SMURF1: variants seen among roughly 807,000 people sequenced by gnomAD.
SMURF1 encodes the protein E3 ubiquitin-protein ligase SMURF1.
In SMURF1, 44 loss-of-function variants were observed where a neutral mutation model predicts 98.0. That is an observed-to-expected ratio of 0.45 (90% CI 0.35 to 0.58). The LOEUF is 0.58. SMURF1 is among the 20% of genes least tolerant of loss of function. SMURF1 has a pLI of 0.00. For synonymous variants in SMURF1, 396 were observed against 374.9 expected (o/e 1.06, Z -0.65); for missense variants, 687 against 938.4 (o/e 0.73, Z 3.50).
At chr7:99,077,006 A>G (rs1297616924) in intron 1 of SMURF1, among the ~76,000 whole-genome samples, 3 of 149,498 alleles carry the variant, frequency 2.0e-5, no homozygotes, top group African/African-American at 7.7e-5. Flanking sequence ...AAAAAAAAAC[A>G]AAAAAGGTTA....
intron 1 of SMURF1, among the ~76,000 whole-genome samples, chr7:99,110,321 A>G (rs1399598242): frequency 6.6e-6 from 1 of 152,268 alleles, no homozygotes; most frequent in East Asian, 1.9e-4. Context: ...AAACATAACA[A>G]GTTCTTGGAT....
rs1797866848 is a variant in SMURF1 at position 99,131,272 on chromosome 7, A to ATCTGTCTTTT, written c.55+12453_55+12454insAAAAGACAGA. Among the ~76,000 whole-genome samples the ATCTGTCTTTT allele has an allele frequency of 4.1e-4, 62 of 152,354 alleles. 1 individual carries two copies. In the South Asian group the frequency reaches 9.3e-3, roughly 23 times the overall value. On this transcript the variant is annotated intron_variant, in intron 1 of 17. Transcript: ENST00000361368. ...GGAAGTGCGATATTGTACATAAAAGACAGAATTAAAAATGTGGAAATTAGC... is the reference window on the plus strand; with the variant it reads ...GGAAGTGCGATATTGTACATAAAAGATCTGTCTTTTCAGAATTAAAAATGTGGAAATTAGC...
At chr7:99,061,277 A>T (rs1796029277) in intron 2 of SMURF1, among the ~76,000 whole-genome samples, 1 of 152,228 alleles carries the variant, frequency 6.6e-6, no homozygotes, top group African/African-American at 2.4e-5. Flanking sequence ...ATGTCTTGTG[A>T]GGATCAGAAA....
At chr7:99,031,939 T>A (rs1794906578) in intron 17 of SMURF1, among the ~76,000 whole-genome samples, 1 of 152,230 alleles carries the variant, frequency 6.6e-6, no homozygotes. Flanking sequence ...TGATTGTATT[T>A]GTAAACCATA....
intron 1 of SMURF1, among the ~76,000 whole-genome samples, chr7:99,082,678 G>A (rs1388892353): frequency 6.6e-6 from 1 of 152,138 alleles, no homozygotes; most frequent in Non-Finnish European, 1.5e-5. Context: ...GTTTTTTCAG[G>A]ACTGTTTGAG....
chr7:99,048,249 TGTG>T (rs1795646073), intron 9 of SMURF1: 1 of 231,522 alleles, frequency 4.3e-6, no homozygotes, highest in Non-Finnish European at 8.7e-6. Flanking sequence ...ATTAGCCAGG[TGTG>T]GTGGTGGGCA....
intron 1 of SMURF1, among the ~76,000 whole-genome samples, chr7:99,127,017 T>C (rs576542749): frequency 1.3e-5 from 2 of 152,212 alleles, no homozygotes; most frequent in East Asian, 3.9e-4. Flanking sequence ...CACTCAGGGA[T>C]CTAGGCTGAT....
chr7:99,118,620 T>C (rs1797516469), intron 1 of SMURF1, among the ~76,000 whole-genome samples: 1 of 152,128 alleles, frequency 6.6e-6, no homozygotes, highest in East Asian at 1.9e-4. Flanking sequence ...AGATTAGTAG[T>C]TGTAAAGCCT....
intron 1 of SMURF1, among the ~76,000 whole-genome samples, chr7:99,142,459 G>A (rs1798146019): frequency 1.3e-5 from 2 of 151,704 alleles, no homozygotes; most frequent in Admixed American, 6.6e-5. Context: ...TGGACCAGGG[G>A]GAAGTGAAGA....
chr7:99,091,427 G>T (rs1796808075), intron 1 of SMURF1, among the ~76,000 whole-genome samples: 1 of 152,128 alleles, frequency 6.6e-6, no homozygotes, highest in Non-Finnish European at 1.5e-5. Flanking sequence ...GTAGAAAAAT[G>T]ATAGGAAACT....
intron 14 of SMURF1, 107 bp from the exon 15 acceptor site, chr7:99,037,294 A>G (rs764273679): frequency 3.3e-5 from 47 of 1,421,148 alleles, no homozygotes; most frequent in Non-Finnish European, 4.2e-5. Flanking sequence ...CTGGAGTGCA[A>G]TGGCTCAATC....
chr7:99,121,779 T>G (rs1048211448), intron 1 of SMURF1, among the ~76,000 whole-genome samples: 6 of 152,172 alleles, frequency 3.9e-5, no homozygotes, highest in African/African-American at 9.7e-5. Flanking sequence ...TGCTGAGAGA[T>G]AAAATCATAG....
intron 8 of SMURF1, chr7:99,050,916 TG>T: frequency 6.5e-7 from 1 of 1,547,340 alleles, no homozygotes; most frequent in Non-Finnish European, 8.7e-7. Flanking sequence ...CTCTCTAACC[TG>T]GGCTCAGATG....
chr7:99,119,207 G>T (rs868472578), intron 1 of SMURF1, among the ~76,000 whole-genome samples: 1 of 151,898 alleles, frequency 6.6e-6, no homozygotes, highest in Admixed American at 6.6e-5. Flanking sequence ...TTTATCTAGC[G>T]TATCTTTGCT....
intron 12 of SMURF1, among the ~76,000 whole-genome samples, chr7:99,040,824 T>A (rs1359562975): frequency 6.6e-6 from 1 of 152,212 alleles, no homozygotes; most frequent in Non-Finnish European, 1.5e-5. Flanking sequence ...AGCCCCGTGT[T>A]CAGCAATGAC....
At chr7:99,130,330 G>A (rs545054826) in intron 1 of SMURF1, among the ~76,000 whole-genome samples, 93 of 152,316 alleles carry the variant, frequency 6.1e-4, no homozygotes, top group African/African-American at 1.9e-3. Flanking sequence ...GCACATGCCT[G>A]TAGTTCCAGC....
chr7:99,072,019 C>A (rs867784735), intron 1 of SMURF1, among the ~76,000 whole-genome samples: 3 of 151,484 alleles, frequency 2.0e-5, no homozygotes, highest in Non-Finnish European at 4.4e-5. Flanking sequence ...TTCAAGGCTG[C>A]GGTAAGCTAT....
chr7:99,117,637 C>A (rs1228862880), intron 1 of SMURF1, among the ~76,000 whole-genome samples: 1 of 151,600 alleles, frequency 6.6e-6, no homozygotes, highest in Admixed American at 6.6e-5. Context: ...AGGCGTGAGC[C>A]ACTGCACCCG....
At chr7:99,089,599 C>G (rs1796766410) in intron 1 of SMURF1, among the ~76,000 whole-genome samples, 2 of 152,148 alleles carry the variant, frequency 1.3e-5, no homozygotes, top group Admixed American at 6.5e-5. Flanking sequence ...CATGATCATA[C>G]CATTGCCCTC....
Sources: allele counts gnomAD v4.1 joint callset (sites outside exome capture counted in the v4.1 genomes callset), GRCh38; gene constraint gnomAD v4.1.1; transcripts MANE v1.5; gene names NCBI Gene and HGNC (gene_info 2026-07-23, HGNC 2026-07-21).